Variants in SASH1 observed in about 807,000 individuals in gnomAD.
The protein encoded by SASH1 is SAM and SH3 domain containing 1, also known as SAM and SH3 domain-containing protein 1.
Under a neutral mutation model 125.2 loss-of-function variants are expected in SASH1, and 44 were observed. That is an observed-to-expected ratio of 0.35 (90% confidence interval 0.28 to 0.45). SASH1 has a LOEUF of 0.45. Among genes scored for constraint, SASH1 ranks in the 20% least tolerant of loss-of-function variants. SASH1 has a pLI of 1.00. For missense variants in SASH1, 1,426 were observed against 1,614.5 expected (o/e 0.88, Z 2.00); for synonymous variants, 639 against 649.1 (o/e 0.98, Z 0.24).
chr6:148,201,364 A>G, the SASH1 span, among the ~76,000 whole-genome samples: 1 of 152,182 alleles, frequency 6.6e-6, no homozygotes, highest in Admixed American at 6.5e-5. Context: ...GTACATTGCC[A>G]TCCGGGGTGG....
In SASH1 at chr6:148,495,991, A is replaced by G. The variant is rs1232883069; in HGVS notation, c.729+8276A>G. ...GCTGGGATTACAGGCGCACGCCATC[A>G]CGCCTGGCTAATTTTTTTTTTTTTT... On this transcript the variant is annotated intron_variant, in intron 8 of 19. Transcript: ENST00000367467. The surrounding 1 kb of genome is among the most constrained non-coding windows in gnomAD (Gnocchi z 4.0). 6.8e-6 allele frequency among the ~76,000 whole-genome samples: 1 copy of G among 146,272 alleles called. No homozygotes were observed. The highest frequency in any genetic ancestry group is 1.5e-5 in the Non-Finnish European group (1 of 66,914).
the SASH1 span, among the ~76,000 whole-genome samples, chr6:148,221,285 T>C: frequency 6.6e-6 from 1 of 152,214 alleles, no homozygotes; most frequent in South Asian, 2.1e-4. Flanking sequence ...TTTTGAGTAA[T>C]TTACAAGGTT....
chr6:148,486,551 G>A (rs1197151844), intron 7 of SASH1, among the ~76,000 whole-genome samples: 3 of 151,960 alleles, frequency 2.0e-5, no homozygotes, highest in Non-Finnish European at 4.4e-5. Context: ...ACCCCATCAC[G>A]TTTGTTAGGT....
intron 10 of SASH1, among the ~76,000 whole-genome samples, chr6:148,521,570 A>G (rs1482027591): frequency 1.3e-5 from 2 of 152,190 alleles, no homozygotes; most frequent in Non-Finnish European, 2.9e-5. Context: ...ATATTCATGT[A>G]ATTCTTGCAG....
chr6:148,344,953 A>G (rs1324023773), intron 1 of SASH1, among the ~76,000 whole-genome samples: 1 of 151,898 alleles, frequency 6.6e-6, no homozygotes, highest in Non-Finnish European at 1.5e-5. Context: ...ACGGGGTTTC[A>G]CCATGTTAGC....
chr6:148,252,169 G>C, the SASH1 span, among the ~76,000 whole-genome samples: 2 of 151,942 alleles, frequency 1.3e-5, no homozygotes, highest in African/African-American at 4.8e-5. Context: ...AAAACCACAA[G>C]GGAAATGATA....
At chr6:148,257,985 G>T in the SASH1 span, among the ~76,000 whole-genome samples, 3 of 152,240 alleles carry the variant, frequency 2.0e-5, no homozygotes, top group East Asian at 5.8e-4. Context: ...GATGGGAATT[G>T]TTACTTTTAT....
chr6:148,314,470 A>G (rs1276816753), intron 1 of SASH1, among the ~76,000 whole-genome samples: 1 of 152,188 alleles, frequency 6.6e-6, no homozygotes, highest in African/African-American at 2.4e-5. Context: ...ATTTGAAAAC[A>G]ATTTATATGG....
Position 148,487,662 on chromosome 6 carries a change from G to A in SASH1, c.676G>A (p.Ala226Thr), listed in dbSNP as rs1778937739. Residue 226 changes from alanine to threonine, a missense_variant, in exon 8 of 20, where the codon GCT (alanine) becomes ACT (threonine). By Grantham distance (58) the Ala-to-Thr change is moderately conservative (BLOSUM62 0). Around this residue, in one of 3 missense-constraint regions of SASH1, gnomAD observed 567 missense variants for 575.6 expected, o/e 0.99. Transcript: ENST00000367467. ...QHRQSAALDPADWPDGSYPTF... is the reference protein window; with the variant it reads ...QHRQSAALDPTDWPDGSYPTF... ...CCGGCAGTCGGCTGCCCTGGACCCT[G>A]CTGACTGGCCAGATGGTTCTTACCC... is the stretch of plus-strand genomic sequence containing the variant. 2.5e-6 allele frequency: 4 copies of A among 1,613,696 alleles called. No individual in the cohort carries two copies. The highest frequency in any genetic ancestry group is 1.1e-5 in the South Asian group (1 of 91,040).
intron 2 of SASH1, among the ~76,000 whole-genome samples, chr6:148,390,663 C>T (rs1783669416): frequency 6.6e-6 from 1 of 152,016 alleles, no homozygotes; most frequent in African/African-American, 2.4e-5. Context: ...TGATGGGTGC[C>T]TGTAGTCCCA....
intron 1 of SASH1, among the ~76,000 whole-genome samples, chr6:148,280,021 C>A (rs1779293273): frequency 8.4e-6 from 1 of 119,302 alleles, no homozygotes; most frequent in Non-Finnish European, 1.7e-5. Context: ...CAACACTCCC[C>A]CCTCCGACAT....
At chr6:148,446,408 A>G (rs2115023751) in intron 4 of SASH1, among the ~76,000 whole-genome samples, 1 of 152,260 alleles carries the variant, frequency 6.6e-6, no homozygotes, top group South Asian at 2.1e-4. Flanking sequence ...GTGCCTGGCC[A>G]GGGTTCTTTT....
chr6:148,256,364 T>A, the SASH1 span, among the ~76,000 whole-genome samples: 1 of 152,360 alleles, frequency 6.6e-6, no homozygotes, highest in East Asian at 1.9e-4. Flanking sequence ...TGCTTTAATT[T>A]ATAAAGTTGT....
chr6:148,273,415 T>TCCTG (rs1010607380), intron 1 of SASH1, among the ~76,000 whole-genome samples: 2 of 151,204 alleles, frequency 1.3e-5, no homozygotes, highest in African/African-American at 4.9e-5. Context: ...TGCCTTGGCC[T>TCCTG]CCTGAGTAGC....
intron 7 of SASH1, among the ~76,000 whole-genome samples, chr6:148,485,784 C>T (rs144389858): frequency 3.3e-5 from 5 of 152,338 alleles, no homozygotes; most frequent in Admixed American, 6.5e-5. Flanking sequence ...TGTAGTGGCG[C>T]TACCACATCC....
At chr6:148,490,282 C>T (rs985545100) in intron 8 of SASH1, among the ~76,000 whole-genome samples, 2 of 151,886 alleles carry the variant, frequency 1.3e-5, no homozygotes, top group African/African-American at 2.4e-5. Flanking sequence ...GATCTCAGCT[C>T]ACTGCAACCT....
chr6:148,477,960 GTGT>G (rs1158216792), intron 7 of SASH1, among the ~76,000 whole-genome samples: 8 of 152,270 alleles, frequency 5.3e-5, no homozygotes, highest in Middle Eastern at 3.4e-3. Flanking sequence ...GCCTCCCAAA[GTGT>G]TGTGATTACG....
intron 8 of SASH1, among the ~76,000 whole-genome samples, chr6:148,502,475 C>T (rs554923145): frequency 2.8e-4 from 42 of 152,234 alleles, no homozygotes; most frequent in South Asian, 1.7e-3. Flanking sequence ...TTTCTAAATA[C>T]GAAGAATAAC....
chr6:148,439,194 G>C, intron 2 of SASH1, among the ~76,000 whole-genome samples: 1 of 152,294 alleles, frequency 6.6e-6, no homozygotes, highest in South Asian at 2.1e-4. Flanking sequence ...ACTATGAAAT[G>C]AGGGTGTTAC....
Sources: gnomAD v4.1 joint callset for allele counts (sites outside exome capture counted in the v4.1 genomes callset) on GRCh38, gnomAD v4.1.1 for gene constraint, gnomAD v4.1.1 regional missense constraint, Gnocchi (gnomAD v3.1) non-coding constraint, MANE v1.5 for transcripts, NCBI Gene and HGNC (gene_info 2026-07-23, HGNC 2026-07-21) for gene names.